The following AFTPH variants were observed in gnomAD, a reference collection of about 807,000 sequenced individuals.
The protein encoded by AFTPH is aftiphilin.
In AFTPH, 7 loss-of-function variants were observed where a neutral mutation model predicts 72.5. The observed-to-expected ratio is 0.10, with a 90% confidence interval of 0.05 to 0.18. The LOEUF is 0.18. Among genes scored for constraint, AFTPH ranks in the 10% least tolerant of loss-of-function variants. The pLI, the probability that AFTPH is intolerant of heterozygous loss-of-function variation, is 1.00. For missense variants in AFTPH, 979 were observed against 1,060.5 expected, an observed-to-expected ratio of 0.92 and a Z score of 1.07; for synonymous variants, 337 against 370.1, an observed-to-expected ratio of 0.91 and a Z score of 1.03.
At chr2:64,552,454 A>C in exon 2 of AFTPH, 1 of 1,614,174 alleles carries the variant, frequency 6.2e-7, no homozygotes, top group Non-Finnish European at 8.5e-7. Flanking sequence ...GAATTTTTAC[A>C]GTCAGGTGTT....
rs144780181 is a variant in AFTPH, at chr2:64,525,671, G to C, written c.-33+1059G>C. 3.9e-5 allele frequency: 6 copies of C among 152,576 alleles called. No homozygotes were observed. The East Asian group carries it at 1.2e-3, about 29-fold the overall frequency. The allele number at this position is 152,576 out of a possible 1,614,324, so 9.5% of individuals were successfully genotyped here. ...ATTGTTGCTTTCAGTTAACCTCTTAGACATTAAAATATATGCTAAACTCTA... is the reference window on the plus strand; with the variant it reads ...ATTGTTGCTTTCAGTTAACCTCTTACACATTAAAATATATGCTAAACTCTA... On this transcript the variant is annotated intron_variant, in intron 1 of 8. Coordinates refer to ENST00000238856, the Ensembl canonical transcript of AFTPH.
chr2:64,592,245 C>T (rs930694811), exon 9 of AFTPH: 12 of 413,256 alleles, frequency 2.9e-5, no homozygotes, highest in African/African-American at 1.0e-4. Context: ...TGTAAATAAT[C>T]GGGGGTAAAC....
intron 8 of AFTPH, among the ~76,000 whole-genome samples, chr2:64,587,610 CTA>C (rs1437685090): frequency 6.6e-6 from 1 of 152,140 alleles, no homozygotes; most frequent in Non-Finnish European, 1.5e-5. Context: ...TTTTGATAGA[CTA>C]TAGGGTAAGA....
In AFTPH at chr2:64,588,966, T is replaced by C. The variant is rs542654225; in HGVS notation, c.2580-2919T>C. On this transcript the variant is annotated intron_variant, in intron 8 of 8. Coordinates refer to ENST00000238856, the Ensembl canonical transcript of AFTPH. Reference sequence around the variant, plus strand: ...TTAAGTATATTCTGGATACTAAGCCTTTATCAGAGAAATGATTTGAAGATA... The same window carrying C: ...TTAAGTATATTCTGGATACTAAGCCCTTATCAGAGAAATGATTTGAAGATA... Among the ~76,000 whole-genome samples, 9 of 152,330 alleles carry C rather than the reference T, an allele frequency of 5.9e-5. No individual in the cohort carries two copies. In the East Asian group the frequency reaches 1.7e-3, roughly 29 times the overall value.
At chr2:64,548,019 G>T (rs879852785) in intron 1 of AFTPH, among the ~76,000 whole-genome samples, 6 of 151,512 alleles carry the variant, frequency 4.0e-5, no homozygotes, top group Non-Finnish European at 7.4e-5. Context: ...TCGAACTCCT[G>T]GGCTCAAGTA....
chr2:64,555,989 C>CTTTT (rs774669104), intron 2 of AFTPH, among the ~76,000 whole-genome samples: 5 of 134,106 alleles, frequency 3.7e-5, no homozygotes, highest in East Asian at 2.4e-4. Flanking sequence ...GAATTCCTCA[C>CTTTT]TTTTTTTTTT....
intron 1 of AFTPH, among the ~76,000 whole-genome samples, chr2:64,531,280 T>C (rs530599634): frequency 4.6e-5 from 7 of 152,276 alleles, no homozygotes; most frequent in Non-Finnish European, 8.8e-5. Context: ...AGTAGAGTTA[T>C]TAAGTCAGAG....
chr2:64,555,597 AC>A (rs964298041), intron 2 of AFTPH, among the ~76,000 whole-genome samples: 1 of 147,908 alleles, frequency 6.8e-6, no homozygotes, highest in Admixed American at 6.8e-5. Flanking sequence ...ACACACACAC[AC>A]AAGACTTTCT....
intron 2 of AFTPH, among the ~76,000 whole-genome samples, chr2:64,563,830 A>T (rs554238586): frequency 1.4e-4 from 22 of 152,122 alleles, no homozygotes; most frequent in South Asian, 2.1e-4. Context: ...CTGGTCTCGA[A>T]CTCCTGACCT....
intron 1 of AFTPH, among the ~76,000 whole-genome samples, chr2:64,538,150 T>G (rs921581626): frequency 6.6e-6 from 1 of 152,106 alleles, no homozygotes; most frequent in African/African-American, 2.4e-5. Flanking sequence ...TCATGTAAAA[T>G]GTATTTCTTC....
chr2:64,564,877 A>T (rs1454578466), intron 2 of AFTPH, among the ~76,000 whole-genome samples: 2 of 150,372 alleles, frequency 1.3e-5, no homozygotes, highest in Non-Finnish European at 3.0e-5. Flanking sequence ...TTGCTCTGTC[A>T]CCCAGGCTGG....
intron 1 of AFTPH, among the ~76,000 whole-genome samples, chr2:64,529,492 A>C (rs1285420258): frequency 1.3e-5 from 2 of 151,456 alleles, no homozygotes. Flanking sequence ...GACTCCTTTT[A>C]CTCAGTTCTA....
At chr2:64,545,677 A>C (rs566695243) in intron 1 of AFTPH, among the ~76,000 whole-genome samples, 1 of 144,196 alleles carries the variant, frequency 6.9e-6, no homozygotes, top group Non-Finnish European at 1.5e-5. Flanking sequence ...TGAGTGAAAA[A>C]AATTCAGCCT....
At chr2:64,547,388 C>T (rs1186408162) in intron 1 of AFTPH, among the ~76,000 whole-genome samples, 1 of 152,118 alleles carries the variant, frequency 6.6e-6, no homozygotes, top group Non-Finnish European at 1.5e-5. Flanking sequence ...GACAGGATAT[C>T]CCAGAAGTGA....
chr2:64,540,668 A>C (rs1670192935), intron 1 of AFTPH, among the ~76,000 whole-genome samples: 1 of 152,108 alleles, frequency 6.6e-6, no homozygotes, highest in African/African-American at 2.4e-5. Flanking sequence ...TTTTACTTTT[A>C]TGTGTCAATT....
Position 64,551,665 on chromosome 2 carries a change from A to G in AFTPH, c.191A>G (p.His64Arg), listed in dbSNP as rs150084679. ...AAGGAAGAGTTTGTACCTTCAAACC[A>G]TTTTATGCCAATTCATGAATTCTCA... Residue 64 changes from histidine (H) to arginine (R), a missense_variant, in exon 2 of 9, where the codon CAT becomes CGT. Physicochemically the swap from His to Arg is conservative, Grantham distance 29. Around this residue, in one of 3 missense-constraint regions of AFTPH, gnomAD observed 498 missense variants for 467.6 expected, o/e 1.06. Coordinates refer to ENST00000238856, the Ensembl canonical transcript of AFTPH. The G allele has an allele frequency of 1.3e-4, 211 of 1,613,906 alleles. 1 individual carries two copies. The highest frequency in any genetic ancestry group is 2.6e-5 in the Non-Finnish European group (31 of 1,179,934).
Position 64,583,411 on chromosome 2 carries a change from G to A in AFTPH, c.2456-2011G>A, listed in dbSNP as rs1390343224. Among the ~76,000 whole-genome samples the A allele has an allele frequency of 2.1e-5, 3 of 144,176 alleles. No individual in the cohort carries two copies. In the East Asian group the frequency reaches 6.1e-4, roughly 29 times the overall value. 94.6% of individuals were successfully genotyped at this position (144,176 alleles called of 152,430 possible). A position where few individuals can be genotyped will look rare whatever the true frequency, so the allele number is the denominator to read the frequency against. On this transcript the variant is annotated intron_variant, in intron 7 of 8. Coordinates refer to ENST00000238856, the Ensembl canonical transcript of AFTPH. ...AAAATCTAATCATAGTTTTGGGGGG[G>A]GTTTTGGTGTGGTGGTAGTTATTTG...
At chr2:64,555,555 TCACACA>T (rs111905151) in intron 2 of AFTPH, among the ~76,000 whole-genome samples, 16,682 of 140,752 alleles carry the variant, frequency 0.12, 1,097 homozygotes, top group Middle Eastern at 0.16. Flanking sequence ...AGAGAGACTG[TCACACA>T]CACACACACA....
chr2:64,548,394 C>T (rs1376563935), intron 1 of AFTPH, among the ~76,000 whole-genome samples: 3 of 87,656 alleles, frequency 3.4e-5, no homozygotes, highest in Non-Finnish European at 6.6e-5. Context: ...AGCGAGACTC[C>T]GTCTCAAAAA....
Sources: gnomAD v4.1 joint callset for allele counts (sites outside exome capture counted in the v4.1 genomes callset) on GRCh38, gnomAD v4.1.1 for gene constraint, gnomAD v4.1.1 regional missense constraint, MANE v1.5 for transcripts, NCBI Gene and HGNC (gene_info 2026-07-23, HGNC 2026-07-21) for gene names.